Variants in SLC9A7 observed in about 807,000 individuals in gnomAD.
SLC9A7 encodes sodium/hydrogen exchanger 7.
Under a neutral mutation model 52.6 loss-of-function variants are expected in SLC9A7, and 19 were observed. The ratio of observed to expected loss-of-function variants is 0.36; its 90% CI spans 0.25 to 0.53. The LOEUF is 0.53. SLC9A7 is among the 20% of genes least tolerant of loss of function. The pLI is 0.91. For synonymous variants in SLC9A7, 226 were observed against 252.1 expected (o/e 0.90, Z 0.98); for missense variants, 455 against 597.9 (o/e 0.76, Z 2.49).
At chrX:46,626,772 C>T (rs1943137229) in intron 14 of SLC9A7, among the ~76,000 whole-genome samples, 1 of 112,330 alleles carries the variant, frequency 8.9e-6, no homozygotes, top group Non-Finnish European at 1.9e-5. Flanking sequence ...CTCTCTCTCT[C>T]TCCTGCTCCG....
Position 46,600,263 on chromosome X carries a change from A to G in SLC9A7, c.*6689T>C, listed in dbSNP as rs1339380128. On this transcript the variant is annotated 3_prime_UTR_variant, in exon 17 of 17. Coordinates refer to ENST00000616978, the MANE Select transcript of SLC9A7 (RefSeq NM_001257291.2). ...CTTTTTTAAGTGCTTGAGACAGCAG[A>G]TGTTGAGGTTTCCATGCTGTTTACA... 1 of 112,285 alleles carries G rather than the reference A, an allele frequency of 8.9e-6. No homozygotes were observed. The highest frequency in any genetic ancestry group is 1.9e-5 in the Non-Finnish European group (1 of 53,295). 9.3% of individuals were successfully genotyped at this position (112,285 alleles called of 1,213,427 possible). A position where few individuals can be genotyped will look rare whatever the true frequency, so the allele number is the denominator to read the frequency against.
intron 1 of SLC9A7, among the ~76,000 whole-genome samples, chrX:46,714,451 T>C (rs1406340548): frequency 9.0e-6 from 1 of 111,667 alleles, no homozygotes; most frequent in Non-Finnish European, 1.9e-5. Flanking sequence ...CTCTATATAA[T>C]CTGGCCATAA....
intron 2 of SLC9A7, among the ~76,000 whole-genome samples, chrX:46,680,201 T>C (rs754632271): frequency 4.6e-5 from 5 of 109,752 alleles, no homozygotes; most frequent in African/African-American, 6.6e-5. Flanking sequence ...ATACAAAAAT[T>C]AGCCAGGTGT....
chrX:46,669,647 A>G lies in SLC9A7; in HGVS notation c.753T>C (p.Asp251=), dbSNP rs1943985792. 1 of 1,189,489 alleles carries G rather than the reference A, an allele frequency of 8.4e-7. No homozygotes were observed. Among genetic ancestry groups the G allele is most frequent in the South Asian group, 1.9e-5 (1 of 53,869 alleles). Residue 251 remains aspartate (D), a synonymous_variant, in exon 5 of 17, where the codon GAT becomes GAC. Coordinates refer to ENST00000616978, the MANE Select transcript of SLC9A7 (RefSeq NM_001257291.2). ...GQLSDKFYYT[D]CLFFGAIISA... ...AGATGATTGCTCCAAAAAAGAGACA[A>G]TCTGTGTAGTAAAATTTATCTGAGA... is the stretch of plus-strand genomic sequence containing the variant.
chrX:46,606,950 A>T lies in SLC9A7; in HGVS notation c.*2T>A. On this transcript the variant is annotated 3_prime_UTR_variant, in exon 17 of 17. Coordinates refer to ENST00000616978, the MANE Select transcript of SLC9A7 (RefSeq NM_001257291.2). ...CCATCGCGCCAGGGCTTGGGGGGAA[A>T]GTCAAGCATTATCTTCCAGGGGAAA... 1 of 1,211,336 alleles carries T rather than the reference A, an allele frequency of 8.3e-7. No individual in the cohort carries two copies. Among genetic ancestry groups the T allele is most frequent in the Non-Finnish European group, 1.1e-6 (1 of 895,327 alleles).
chrX:46,690,881 C>A (rs1427130129), intron 1 of SLC9A7, among the ~76,000 whole-genome samples: 1 of 111,480 alleles, frequency 9.0e-6, no homozygotes, highest in Non-Finnish European at 1.9e-5. Flanking sequence ...CCAGTGAATT[C>A]TCTTGGTACC....
intron 1 of SLC9A7, among the ~76,000 whole-genome samples, chrX:46,753,976 ACT>A (rs1488096304): frequency 3.4e-5 from 3 of 88,769 alleles, no homozygotes; most frequent in African/African-American, 1.5e-4. Flanking sequence ...ACAGAGTGAG[ACT>A]CTGTCTCAAA....
At chrX:46,691,782 G>C (rs183148862) in intron 1 of SLC9A7, among the ~76,000 whole-genome samples, 13 of 111,142 alleles carry the variant, frequency 1.2e-4, no homozygotes, top group African/African-American at 1.6e-4. Context: ...AAGTTGTCCT[G>C]TCCAGCAAAG....
intron 3 of SLC9A7, among the ~76,000 whole-genome samples, chrX:46,678,422 T>TTATTTATTTATC (rs1944155559): frequency 3.0e-5 from 3 of 99,722 alleles, no homozygotes; most frequent in Admixed American, 1.1e-4. Context: ...TTTTATTTAT[T>TTATTTATTTATC]TATTTATTTA....
At chrX:46,723,324 A>G (rs1423150979) in intron 1 of SLC9A7, among the ~76,000 whole-genome samples, 6 of 108,558 alleles carry the variant, frequency 5.5e-5, no homozygotes, top group African/African-American at 2.0e-4. Flanking sequence ...AAAAGAAAGA[A>G]AGAAAGAAAA....
chrX:46,704,065 T>C (rs1241030217), intron 1 of SLC9A7, among the ~76,000 whole-genome samples: 2 of 111,587 alleles, frequency 1.8e-5, no homozygotes, highest in Middle Eastern at 4.2e-3. Flanking sequence ...TACTTCTCCA[T>C]TCTTGGCGCA....
intron 1 of SLC9A7, among the ~76,000 whole-genome samples, chrX:46,743,050 CA>C (rs1268864155): frequency 3.1e-4 from 28 of 88,926 alleles, no homozygotes; most frequent in African/African-American, 5.0e-4. Context: ...GACCCCATCT[CA>C]AAAAAAAAAA....
intron 7 of SLC9A7, among the ~76,000 whole-genome samples, chrX:46,655,235 C>T (rs182567798): frequency 6.2e-4 from 69 of 111,307 alleles, no homozygotes; most frequent in African/African-American, 2.2e-3. Flanking sequence ...TCTGCCCACC[C>T]TGGCCTTCCA....
intron 10 of SLC9A7, among the ~76,000 whole-genome samples, chrX:46,650,624 G>C (rs1943565213): frequency 9.0e-6 from 1 of 111,302 alleles, no homozygotes; most frequent in Non-Finnish European, 1.9e-5. Flanking sequence ...CCATACTGCA[G>C]ACGTAGTCAT....
In SLC9A7 at chrX:46,748,422, CAGAA is replaced by C. The variant is rs200199529; in HGVS notation, c.325+10279_325+10282del. Among the ~76,000 whole-genome samples the C allele has an allele frequency of 7.0e-3, 616 of 88,222 alleles. 5 individuals are homozygous for C. Among genetic ancestry groups the C allele is most frequent in the Non-Finnish European group, 0.011 (507 of 45,156 alleles). The allele number at this position is 88,222 out of a possible 115,157, so 76.6% of individuals were successfully genotyped here. A position where few individuals can be genotyped will look rare whatever the true frequency, so the allele number is the denominator to read the frequency against. On this transcript the variant is annotated intron_variant, in intron 1 of 16. Coordinates refer to ENST00000616978, the MANE Select transcript of SLC9A7 (RefSeq NM_001257291.2). Reference sequence around the variant, plus strand: ...AAGGAAGGAAGGAAGGAAGGACAGACAGAAGGAAGGAAAACAAAACAGGGACTCT... The same window carrying C: ...AAGGAAGGAAGGAAGGAAGGACAGACGGAAGGAAAACAAAACAGGGACTCT...
intron 1 of SLC9A7, among the ~76,000 whole-genome samples, chrX:46,710,272 C>T (rs1017489367): frequency 9.0e-6 from 1 of 111,720 alleles, no homozygotes. Context: ...AGAGTGAAAG[C>T]AGGGACAAGT....
chrX:46,706,667 T>A (rs1602253157), intron 1 of SLC9A7, among the ~76,000 whole-genome samples: 1 of 111,691 alleles, frequency 9.0e-6, no homozygotes, highest in South Asian at 3.8e-4. Context: ...CTGCATTCCC[T>A]GTCCCTGTGA....
intron 1 of SLC9A7, among the ~76,000 whole-genome samples, chrX:46,727,452 C>T (rs900849037): frequency 4.5e-5 from 5 of 112,339 alleles, no homozygotes; most frequent in Middle Eastern, 4.2e-3. Context: ...TTAAAAGTTC[C>T]GATGTCTGGA....
chrX:46,606,923 C>A lies in SLC9A7; in HGVS notation c.*29G>T. 8.3e-7 allele frequency: 1 copy of A among 1,210,173 alleles called. No individual in the cohort carries two copies. Among genetic ancestry groups the A allele is most frequent in the Non-Finnish European group, 1.1e-6 (1 of 894,467 alleles). ...CTGTCCTCACCCCATCGGGAGCCTACCCCATCGCGCCAGGGCTTGGGGGGA... is the reference window on the plus strand; with the variant it reads ...CTGTCCTCACCCCATCGGGAGCCTAACCCATCGCGCCAGGGCTTGGGGGGA... On this transcript the variant is annotated 3_prime_UTR_variant, in exon 17 of 17. Coordinates refer to ENST00000616978, the MANE Select transcript of SLC9A7 (RefSeq NM_001257291.2).
Sources: allele counts gnomAD v4.1 joint callset (sites outside exome capture counted in the v4.1 genomes callset), GRCh38; gene constraint gnomAD v4.1.1; transcripts MANE v1.5; gene names NCBI Gene and HGNC (gene_info 2026-07-23, HGNC 2026-07-21).